CAST: variants seen among roughly 807,000 people sequenced by gnomAD.
CAST encodes calpastatin, also known as MIR583 host.
A neutral mutation model predicts 119.6 loss-of-function variants in CAST; 76 were observed. That is an observed-to-expected ratio of 0.64 (90% CI 0.53 to 0.77). The LOEUF (loss-of-function observed/expected upper bound fraction) is 0.77. CAST is among the 30% of genes least tolerant of loss of function. CAST has a pLI of 0.00. For missense variants in CAST, 953 were observed against 946.5 expected (o/e 1.01, Z -0.09); for synonymous variants, 319 against 331.6 (o/e 0.96, Z 0.41).
At chr5:96,177,277 G>A in the CAST span, among the ~76,000 whole-genome samples, 2 of 152,114 alleles carry the variant, frequency 1.3e-5, no homozygotes, top group Non-Finnish European at 2.9e-5. Context: ...TTAAGCCTCT[G>A]TCTCTTTAAA....
At chr5:96,561,959 A>AT (rs1239612937) in intron 1 of CAST, among the ~76,000 whole-genome samples, 1 of 148,044 alleles carries the variant, frequency 6.8e-6, no homozygotes, top group African/African-American at 2.5e-5. Context: ...CGCCCGGCTA[A>AT]TTTTTTGTAT....
the CAST span, among the ~76,000 whole-genome samples, chr5:96,029,794 C>A: frequency 4.6e-5 from 7 of 152,134 alleles, no homozygotes; most frequent in African/African-American, 1.7e-4. Flanking sequence ...TTGTTAACTT[C>A]TCATATGCAA....
the CAST span, chr5:96,412,186 A>G: frequency 1.0e-5 from 9 of 857,290 alleles, no homozygotes; most frequent in East Asian, 2.2e-4. Context: ...CTCTAAGTGC[A>G]TTTAAAATTG....
At chr5:96,107,838 C>T in the CAST span, among the ~76,000 whole-genome samples, 1 of 152,212 alleles carries the variant, frequency 6.6e-6, no homozygotes, top group East Asian at 1.9e-4. Context: ...TGTTTCCATT[C>T]TCCCTGTCAC....
At chr5:96,325,510 C>T in the CAST span, among the ~76,000 whole-genome samples, 6 of 150,054 alleles carry the variant, frequency 4.0e-5, no homozygotes, top group South Asian at 4.2e-4. Context: ...GACGGAGACT[C>T]GCTCTGTTGC....
At chr5:96,294,735 C>G in the CAST span, among the ~76,000 whole-genome samples, 42 of 152,214 alleles carry the variant, frequency 2.8e-4, no homozygotes, top group Non-Finnish European at 5.7e-4. Context: ...ATTTCGTTGA[C>G]TATTTCTAGC....
At chr5:96,469,416 G>A in the CAST span, among the ~76,000 whole-genome samples, 2 of 152,070 alleles carry the variant, frequency 1.3e-5, no homozygotes, top group Admixed American at 6.6e-5. Context: ...ATATGAAGTG[G>A]TCTCCTTTCT....
chr5:96,503,666 G>C, the CAST span, among the ~76,000 whole-genome samples: 5 of 152,120 alleles, frequency 3.3e-5, no homozygotes, highest in Admixed American at 2.6e-4. Context: ...TCCGCTTAAT[G>C]TCGTGCTGCT....
At chr5:96,058,237 A>G in the CAST span, among the ~76,000 whole-genome samples, 14 of 152,280 alleles carry the variant, frequency 9.2e-5, no homozygotes, top group Non-Finnish European at 1.9e-4. Context: ...AGTGTCTCAC[A>G]GGATCACAAC....
chr5:96,317,812 T>A, the CAST span, among the ~76,000 whole-genome samples: 1 of 152,142 alleles, frequency 6.6e-6, no homozygotes, highest in African/African-American at 2.4e-5. Context: ...GGTGTTTTTT[T>A]AGGAAACAAA....
At chr5:96,103,799 T>C in the CAST span, among the ~76,000 whole-genome samples, 3 of 151,882 alleles carry the variant, frequency 2.0e-5, no homozygotes, top group African/African-American at 7.2e-5. Context: ...ATGGTTGAAC[T>C]AGTTTACAGT....
the CAST span, among the ~76,000 whole-genome samples, chr5:96,109,076 C>T: frequency 1.2e-3 from 189 of 152,364 alleles, no homozygotes; most frequent in Middle Eastern, 6.8e-3. Flanking sequence ...CCTCGCCCTG[C>T]TTCGGCTTGC....
At chr5:96,466,970 C>CA in the CAST span, among the ~76,000 whole-genome samples, 1 of 152,122 alleles carries the variant, frequency 6.6e-6, no homozygotes, top group Non-Finnish European at 1.5e-5. Context: ...ATTTATAATA[C>CA]TTTTTCCCTA....
rs114490588 is a variant in CAST at position 96,628,261 on chromosome 5, G to A, written c.61-47278G>A. ...ATAAATATATAACTTTAGCAGGTCAGACACTGCCCTATGGCCAAAATGTTT... is the reference window on the plus strand; with the variant it reads ...ATAAATATATAACTTTAGCAGGTCAAACACTGCCCTATGGCCAAAATGTTT... On this transcript the variant is annotated intron_variant, in intron 1 of 11. Transcript: ENST00000505143. Among the ~76,000 whole-genome samples the A allele has an allele frequency of 8.4e-3, 1,273 of 152,332 alleles. 13 individuals carry two copies. Among genetic ancestry groups the A allele is most frequent in the African/African-American group, 0.029 (1,193 of 41,566 alleles).
intron 1 of CAST, among the ~76,000 whole-genome samples, chr5:96,585,320 C>T (rs970853294): frequency 6.6e-6 from 1 of 152,158 alleles, no homozygotes; most frequent in Non-Finnish European, 1.5e-5. Flanking sequence ...TCCCCACCTC[C>T]AAGTTTACTA....
At chr5:96,490,568 A>G in the CAST span, among the ~76,000 whole-genome samples, 1 of 152,192 alleles carries the variant, frequency 6.6e-6, no homozygotes, top group South Asian at 2.1e-4. Flanking sequence ...CAAATAGGCT[A>G]ATGGAATAGA....
chr5:96,638,691 A>C (rs1273464547), intron 1 of CAST, among the ~76,000 whole-genome samples: 1 of 152,154 alleles, frequency 6.6e-6, no homozygotes, highest in African/African-American at 2.4e-5. Context: ...CTCAACTCTC[A>C]AAGTCCCTCT....
chr5:96,646,067 A>G (rs77296460), intron 1 of CAST, among the ~76,000 whole-genome samples: 3,628 of 152,228 alleles, frequency 0.024, 165 homozygotes, highest in African/African-American at 0.083. Context: ...ATATATTAAA[A>G]CCACAAGGAG....
At chr5:96,754,479 G>T (rs1765848720) in intron 21 of CAST, among the ~76,000 whole-genome samples, 179 bp from the exon 22 acceptor site, 1 of 152,198 alleles carries the variant, frequency 6.6e-6, no homozygotes, top group Admixed American at 6.5e-5. Flanking sequence ...CATCCCAGCA[G>T]GCTTTCTGCT....
Sources: allele counts gnomAD v4.1 joint callset (sites outside exome capture counted in the v4.1 genomes callset), GRCh38; gene constraint gnomAD v4.1.1; transcripts MANE v1.5; gene names NCBI Gene and HGNC (gene_info 2026-07-23, HGNC 2026-07-21).